The following RTL4 variants were observed in gnomAD, a reference collection of about 807,000 sequenced individuals.
RTL4 encodes retrotransposon Gag like 4, also known as retrotransposon Gag-like protein 4.
RTL4 carries 4 observed loss-of-function variants against 5.3 expected under a neutral mutation model. That is an observed-to-expected ratio of 0.75 (90% CI 0.37 to 1.72). The LOEUF is 1.72. Ranked by LOEUF, RTL4 falls within the 40% of genes most tolerant of loss-of-function variation. The pLI, the probability that RTL4 is intolerant of heterozygous loss-of-function variation, is 0.04. For synonymous variants in RTL4, 98 were observed against 87.3 expected (o/e 1.12, Z -0.68); for missense variants, 260 against 227.1 (o/e 1.14, Z -0.93).
chrX:112,375,763 A>G, the RTL4 span, among the ~76,000 whole-genome samples: 1 of 111,606 alleles, frequency 9.0e-6, no homozygotes, highest in East Asian at 2.8e-4. Flanking sequence ...TGACGGTAGA[A>G]TGCTTCTATT....
At chrX:112,397,732 A>T in the RTL4 span, among the ~76,000 whole-genome samples, 4 of 111,391 alleles carry the variant, frequency 3.6e-5, no homozygotes, top group Admixed American at 9.6e-5. Flanking sequence ...TTTATACTTA[A>T]GAATTTTATA....
the RTL4 span, among the ~76,000 whole-genome samples, chrX:112,190,057 C>T: frequency 8.9e-6 from 1 of 111,914 alleles, no homozygotes; most frequent in African/African-American, 3.3e-5. Flanking sequence ...GTCAGTAATG[C>T]GATAATGCAT....
the RTL4 span, among the ~76,000 whole-genome samples, chrX:112,293,195 C>T: frequency 6.3e-4 from 71 of 112,501 alleles, no homozygotes; most frequent in Non-Finnish European, 1.1e-3. Flanking sequence ...ATGTGACAAG[C>T]TGTCCCCTTT....
chrX:112,118,086 G>C, the RTL4 span, among the ~76,000 whole-genome samples: 1 of 111,896 alleles, frequency 8.9e-6, no homozygotes, highest in Non-Finnish European at 1.9e-5. Flanking sequence ...ACAAGTTCCA[G>C]AGCACTATTA....
At chrX:112,234,938 T>C in the RTL4 span, among the ~76,000 whole-genome samples, 2 of 111,526 alleles carry the variant, frequency 1.8e-5, no homozygotes, top group Non-Finnish European at 3.8e-5. Context: ...GCCTTGAGGT[T>C]TGGCTAGTAT....
chrX:112,110,850 A>G, the RTL4 span, among the ~76,000 whole-genome samples: 1 of 111,885 alleles, frequency 8.9e-6, no homozygotes, highest in East Asian at 2.8e-4. Context: ...GGAACCATCT[A>G]TCGTTCTGTC....
the RTL4 span, among the ~76,000 whole-genome samples, chrX:112,143,812 C>T: frequency 9.0e-6 from 1 of 111,628 alleles, no homozygotes; most frequent in African/African-American, 3.3e-5. Context: ...AACAAACTGA[C>T]CATAGATCTC....
chrX:112,191,624 T>C, the RTL4 span, among the ~76,000 whole-genome samples: 4 of 112,021 alleles, frequency 3.6e-5, no homozygotes, highest in Non-Finnish European at 5.6e-5. Context: ...ACGAATTTCC[T>C]TTCTCCCCAC....
At chrX:112,189,638 C>T in the RTL4 span, among the ~76,000 whole-genome samples, 1 of 111,015 alleles carries the variant, frequency 9.0e-6, no homozygotes, top group Non-Finnish European at 1.9e-5. Flanking sequence ...GTGGCAGGTG[C>T]CTGTAATCCC....
the RTL4 span, among the ~76,000 whole-genome samples, chrX:112,328,123 A>G: frequency 9.1e-6 from 1 of 109,618 alleles, no homozygotes; most frequent in East Asian, 2.8e-4. Flanking sequence ...CCCAGCTAAC[A>G]TCATAATGAC....
At chrX:112,305,040 G>C in the RTL4 span, among the ~76,000 whole-genome samples, 1 of 110,892 alleles carries the variant, frequency 9.0e-6, no homozygotes, top group African/African-American at 3.3e-5. Flanking sequence ...AGTAGCTTAT[G>C]GATCTCGGCT....
At chrX:112,154,705 GC>G in the RTL4 span, among the ~76,000 whole-genome samples, 37 of 111,663 alleles carry the variant, frequency 3.3e-4, no homozygotes, top group African/African-American at 1.2e-3. Context: ...CATGCCTTCA[GC>G]CATTCAGCAA....
chrX:112,236,485 CTATATCTATATATAGATATAGATA>C, the RTL4 span, among the ~76,000 whole-genome samples: 40 of 55,583 alleles, frequency 7.2e-4, no homozygotes, highest in African/African-American at 1.9e-3. Flanking sequence ...AGATATAGAT[CTATATCTATATATAGATATAGATA>C]TATATAAAAT....
the RTL4 span, among the ~76,000 whole-genome samples, chrX:112,250,122 A>T: frequency 1.8e-5 from 2 of 109,897 alleles, no homozygotes; most frequent in Admixed American, 1.9e-4. Context: ...TAAAAAAAAT[A>T]CAAAAAATTA....
At chrX:112,454,452 C>T (rs140581316), upstream of RTL4, 3,969 of 266,913 alleles carry the variant, frequency 0.015, 40 homozygotes, top group South Asian at 0.026. Flanking sequence ...CTTCTTAATC[C>T]CAAGTCCTTT....
chrX:112,395,327 G>A, the RTL4 span, among the ~76,000 whole-genome samples: 9 of 111,137 alleles, frequency 8.1e-5, no homozygotes, highest in Non-Finnish European at 1.7e-4. Flanking sequence ...AGTAACTAAA[G>A]GAGAGAATAG....
chrX:112,335,303 G>T, the RTL4 span, among the ~76,000 whole-genome samples: 1 of 110,855 alleles, frequency 9.0e-6, no homozygotes, highest in Non-Finnish European at 1.9e-5. Context: ...CTACTCTTCT[G>T]TTTTTTGGCT....
At chrX:112,455,219 C>A (rs960516878) in exon 1 of RTL4, 3 of 1,211,553 alleles carry the variant, frequency 2.5e-6, no homozygotes, top group African/African-American at 1.7e-5. Context: ...CAGGACCCTG[C>A]TACTTTCCAC....
At chrX:112,280,550 A>G in the RTL4 span, among the ~76,000 whole-genome samples, 1 of 111,090 alleles carries the variant, frequency 9.0e-6, no homozygotes, top group Admixed American at 9.6e-5. Context: ...GTGAAGTGGT[A>G]TGATCATGGC....
Sources: gnomAD v4.1 joint callset for allele counts (sites outside exome capture counted in the v4.1 genomes callset) on GRCh38, gnomAD v4.1.1 for gene constraint, MANE v1.5 for transcripts, NCBI Gene and HGNC (gene_info 2026-07-23, HGNC 2026-07-21) for gene names.